Variants in BRINP1 observed in about 807,000 individuals in gnomAD.
BRINP1 encodes the protein BMP/retinoic acid-inducible neural-specific protein 1.
BRINP1 carries 17 observed loss-of-function variants against 72.9 expected under a neutral mutation model. The observed-to-expected ratio is 0.23, with a 90% CI of 0.16 to 0.35. BRINP1 has a LOEUF of 0.35. Among genes scored for constraint, BRINP1 ranks in the 10% least tolerant of loss-of-function variants. The pLI is 1.00. For synonymous variants in BRINP1, 418 were observed against 378.5 expected (o/e 1.10, Z -1.21); for missense variants, 850 against 1,001.6 (o/e 0.85, Z 2.04).
rs1319401373 is a variant in BRINP1 at position 119,283,297 on chromosome 9, C to A, written c.218+29841G>T. 4 of 539,114 alleles carry A rather than the reference C, an allele frequency of 7.4e-6. No individual in the cohort carries two copies. The African/African-American group carries it at 8.2e-5, about 11-fold the overall frequency. 33.4% of individuals were successfully genotyped at this position (539,114 alleles called of 1,614,324 possible). Reference sequence around the variant, plus strand: ...TAGAAATGCAAAATCTCCAGCCCTGCCCCAGACAGACCCAGTGACTCAGAA... The same window carrying A: ...TAGAAATGCAAAATCTCCAGCCCTGACCCAGACAGACCCAGTGACTCAGAA... On this transcript the variant is annotated intron_variant, in intron 2 of 7. Transcript: ENST00000265922.
chr9:119,235,724 C>G (rs190961626), intron 5 of BRINP1, among the ~76,000 whole-genome samples: 1 of 152,070 alleles, frequency 6.6e-6, no homozygotes, highest in Admixed American at 6.5e-5. Context: ...TGATTATATG[C>G]CTGGGGTCTA....
intron 1 of BRINP1, among the ~76,000 whole-genome samples, chr9:119,364,014 C>T (rs1831663032): frequency 7.8e-6 from 1 of 127,504 alleles, no homozygotes. Context: ...CAGGTCATCC[C>T]TCCCTTTTTT....
intron 5 of BRINP1, among the ~76,000 whole-genome samples, chr9:119,222,109 A>C (rs939820754): frequency 6.6e-6 from 1 of 152,154 alleles, no homozygotes; most frequent in African/African-American, 2.4e-5. Flanking sequence ...TATAGAAAAC[A>C]ACATATGAGC....
intron 5 of BRINP1, among the ~76,000 whole-genome samples, chr9:119,227,445 G>A (rs1184478162): frequency 2.0e-5 from 3 of 152,050 alleles, no homozygotes; most frequent in Non-Finnish European, 2.9e-5. Flanking sequence ...GTGCTCCTAT[G>A]TTCATAAAGT....
Position 119,265,306 on chromosome 9 carries a change from A to G in BRINP1, c.219-16156T>C, listed in dbSNP as rs1047314197. Among the ~76,000 whole-genome samples the G allele has an allele frequency of 2.4e-4, 36 of 152,066 alleles. 1 individual carries two copies. The stretch of plus-strand genomic sequence containing the variant: ...ACACCTAGCTCAGGGTTTGCATATA[A>G]TCAGTCCTCAAGGCCAGGCATGGTG... On this transcript the variant is annotated intron_variant, in intron 2 of 7. Transcript: ENST00000265922.
intron 1 of BRINP1, among the ~76,000 whole-genome samples, chr9:119,315,790 A>G (rs1262325671): frequency 1.3e-5 from 2 of 152,208 alleles, no homozygotes; most frequent in Non-Finnish European, 2.9e-5. Context: ...TTGAATGAAG[A>G]GAGTTTTAGA....
intron 5 of BRINP1, among the ~76,000 whole-genome samples, chr9:119,228,234 CT>C (rs1471109159): frequency 6.6e-6 from 1 of 151,808 alleles, no homozygotes; most frequent in Non-Finnish European, 1.5e-5. Flanking sequence ...TTATCTTCCA[CT>C]GTCAGTCTAG....
At chr9:119,231,852 C>T (rs1002369877) in intron 5 of BRINP1, among the ~76,000 whole-genome samples, 4 of 151,980 alleles carry the variant, frequency 2.6e-5, no homozygotes, top group African/African-American at 9.7e-5. Flanking sequence ...TTCTCCATGG[C>T]ACAATAACTG....
chr9:119,216,065 G>A (rs1434603644), intron 5 of BRINP1, among the ~76,000 whole-genome samples: 2 of 152,194 alleles, frequency 1.3e-5, no homozygotes, highest in Non-Finnish European at 2.9e-5. Context: ...AATGTTGTCT[G>A]TTCTTATTTT....
chr9:119,296,080 C>T (rs1329855982), intron 2 of BRINP1, among the ~76,000 whole-genome samples: 1 of 152,004 alleles, frequency 6.6e-6, no homozygotes, highest in African/African-American at 2.4e-5. Context: ...TCAAAAGAAA[C>T]AATCAACAGA....
chr9:119,216,055 A>G (rs889804524), intron 5 of BRINP1, among the ~76,000 whole-genome samples: 1 of 152,170 alleles, frequency 6.6e-6, no homozygotes, highest in African/African-American at 2.4e-5. Context: ...GCAAACAATA[A>G]ATGTTGTCTG....
chr9:119,357,674 G>T, intron 1 of BRINP1, among the ~76,000 whole-genome samples: 1 of 152,180 alleles, frequency 6.6e-6, no homozygotes, highest in Admixed American at 6.5e-5. Flanking sequence ...GATTGTTAAG[G>T]AGATTTAAGA....
chr9:119,316,909 G>C (rs1057053368), intron 1 of BRINP1, among the ~76,000 whole-genome samples: 4 of 151,694 alleles, frequency 2.6e-5, no homozygotes, highest in African/African-American at 9.7e-5. Flanking sequence ...TGGCCAATAT[G>C]ATGAAACCCC....
intron 2 of BRINP1, among the ~76,000 whole-genome samples, chr9:119,265,578 C>T (rs1400621342): frequency 6.6e-6 from 1 of 152,092 alleles, no homozygotes; most frequent in Non-Finnish European, 1.5e-5. Context: ...GCCTGGGTGA[C>T]AGAGCAAGAC....
At chr9:119,185,598 A>C (rs1829608223) in intron 7 of BRINP1, among the ~76,000 whole-genome samples, 1 of 152,208 alleles carries the variant, frequency 6.6e-6, no homozygotes, top group Non-Finnish European at 1.5e-5. Flanking sequence ...AGAGCACTGA[A>C]GTACAGTAAG....
intron 5 of BRINP1, among the ~76,000 whole-genome samples, chr9:119,237,462 A>T (rs1246255910): frequency 2.6e-5 from 4 of 151,528 alleles, no homozygotes; most frequent in African/African-American, 9.7e-5. Context: ...TCCCGGGTTC[A>T]TGCCCTTCTC....
intron 1 of BRINP1, among the ~76,000 whole-genome samples, chr9:119,332,027 T>C (rs1211844533): frequency 6.6e-6 from 1 of 152,166 alleles, no homozygotes; most frequent in African/African-American, 2.4e-5. Context: ...CTCTAAGAAA[T>C]GCCTTCCTAT....
chr9:119,231,134 A>G (rs1025678353), intron 5 of BRINP1, among the ~76,000 whole-genome samples: 1 of 152,154 alleles, frequency 6.6e-6, no homozygotes, highest in African/African-American at 2.4e-5. Flanking sequence ...AATAAAAAGC[A>G]TTCTAATTTC....
chr9:119,191,238 C>T (rs956638852), intron 7 of BRINP1, among the ~76,000 whole-genome samples: 1 of 151,808 alleles, frequency 6.6e-6, no homozygotes, highest in Non-Finnish European at 1.5e-5. Context: ...CAAGAATGTC[C>T]ACTCTTACCA....
Sources: gnomAD v4.1 joint callset for allele counts (sites outside exome capture counted in the v4.1 genomes callset) on GRCh38, gnomAD v4.1.1 for gene constraint, MANE v1.5 for transcripts, NCBI Gene and HGNC (gene_info 2026-07-23, HGNC 2026-07-21) for gene names.